MICOS10: variants seen among roughly 807,000 people sequenced by gnomAD.
MICOS10 encodes the protein mitochondrial contact site and cristae organizing system subunit 10.
Under a neutral mutation model 13.4 loss-of-function variants are expected in MICOS10, and 5 were observed. The observed-to-expected ratio is 0.37, with a 90% CI of 0.20 to 0.78. The LOEUF (loss-of-function observed/expected upper bound fraction) is 0.78. Ranked by LOEUF, MICOS10 falls within the 30% of genes least tolerant of loss-of-function variation. The pLI is 0.47. For missense variants in MICOS10, 101 were observed against 94.6 expected (o/e 1.07, Z -0.28); for synonymous variants, 35 against 33.6 (o/e 1.04, Z -0.15).
chr1:19,605,014 C>G (rs559295588), intron 1 of MICOS10, among the ~76,000 whole-genome samples: 1 of 152,300 alleles, frequency 6.6e-6, no homozygotes, highest in South Asian at 2.1e-4. Flanking sequence ...TATTTTACAT[C>G]ATTATCTCAT....
Position 19,623,597 on chromosome 1 carries a change from A to G in MICOS10, c.222+14A>G, listed in dbSNP as rs745669923. Reference sequence around the variant, plus strand: ...AAATATGTCAAAGTATGTACAGAATATATATTTCTCTTTCCTTCAGAAGAA... The same window carrying G: ...AAATATGTCAAAGTATGTACAGAATGTATATTTCTCTTTCCTTCAGAAGAA... On this transcript the variant is annotated intron_variant, in intron 3 of 3. Transcript: ENST00000322753. The G allele has an allele frequency of 3.3e-6, 5 of 1,533,664 alleles. No individual in the cohort carries two copies. In the Admixed American group the frequency reaches 6.8e-5, roughly 21 times the overall value.
At position 19,627,027 on chromosome 1, in the gene MICOS10, T is replaced by C. The variant is rs2094924288; in HGVS notation, c.*626T>C. ...GGCCCACTCCATTGAAGTCAAGTCC[T>C]GCAGCTTCATAGAGCTTGAGACAGT... On this transcript the variant is annotated 3_prime_UTR_variant, in exon 4 of 4. Coordinates refer to ENST00000322753, the MANE Select transcript of MICOS10 (RefSeq NM_001032363.4). The C allele has an allele frequency of 6.5e-6, 1 of 153,530 alleles. No individual in the cohort carries two copies. The highest frequency in any genetic ancestry group is 1.5e-5 in the Non-Finnish European group (1 of 68,920). The allele number at this position is 153,530 out of a possible 1,614,324, so 9.5% of individuals were successfully genotyped here.
At chr1:19,621,351 A>G (rs776000267) in intron 1 of MICOS10, among the ~76,000 whole-genome samples, 5 of 152,150 alleles carry the variant, frequency 3.3e-5, no homozygotes, top group Non-Finnish European at 7.3e-5. Flanking sequence ...TCTGAGCTGT[A>G]TGGGGAGCAC....
chr1:19,616,658 T>C (rs950873388), intron 1 of MICOS10, among the ~76,000 whole-genome samples: 1 of 152,194 alleles, frequency 6.6e-6, no homozygotes, highest in Non-Finnish European at 1.5e-5. Context: ...AAACACGTTG[T>C]TGTATGTAAC....
chr1:19,617,122 T>C (rs1486320763), intron 1 of MICOS10: 1 of 175,982 alleles, frequency 5.7e-6, no homozygotes, highest in African/African-American at 2.4e-5. Context: ...AACTAAGTGC[T>C]GTACACACTC....
At chr1:19,614,551 T>G (rs1412058386) in intron 1 of MICOS10, 3 of 152,090 alleles carry the variant, frequency 2.0e-5, no homozygotes, top group Non-Finnish European at 2.9e-5. Flanking sequence ...TCTCCTGACC[T>G]CGTGATCCGC....
intron 1 of MICOS10, among the ~76,000 whole-genome samples, chr1:19,612,510 G>A (rs1478379255): frequency 6.6e-6 from 1 of 151,718 alleles, no homozygotes; most frequent in Non-Finnish European, 1.5e-5. Flanking sequence ...ATCACCTGAG[G>A]TCAGGAATTC....
rs182265717 is a variant in MICOS10, at chr1:19,624,379, C to A, written c.222+796C>A. On this transcript the variant is annotated intron_variant, in intron 3 of 3. Transcript: ENST00000322753. The stretch of plus-strand genomic sequence containing the variant: ...TTGGCTCACTGCGACCTCTGCCTCC[C>A]GGGTTCAAGCGATTCTTCTGCCTCA... Among the ~76,000 whole-genome samples, 90 of 152,064 alleles carry A rather than the reference C, an allele frequency of 5.9e-4. 2 individuals carry two copies. The highest frequency in any genetic ancestry group is 2.0e-3 in the African/African-American group (84 of 41,460).
intron 1 of MICOS10, among the ~76,000 whole-genome samples, chr1:19,610,672 T>A (rs2094857294): frequency 6.6e-6 from 1 of 152,142 alleles, no homozygotes; most frequent in South Asian, 2.1e-4. Flanking sequence ...ATAGTTATTG[T>A]AACACTCTGA....
chr1:19,618,262 T>C (rs924734375), intron 1 of MICOS10, among the ~76,000 whole-genome samples: 1 of 151,180 alleles, frequency 6.6e-6, no homozygotes, highest in Admixed American at 6.6e-5. Context: ...TGCACCATCA[T>C]GCCTGGCTGA....
intron 1 of MICOS10, among the ~76,000 whole-genome samples, chr1:19,617,762 A>G (rs2094889521): frequency 6.6e-6 from 1 of 152,202 alleles, no homozygotes; most frequent in Non-Finnish European, 1.5e-5. Flanking sequence ...CGGCCATTAT[A>G]AATAGGTCAG....
chr1:19,601,148 C>G (rs2094813126), intron 1 of MICOS10: 2 of 486,146 alleles, frequency 4.1e-6, no homozygotes, highest in Admixed American at 6.6e-5. Context: ...GGCAGTGGTC[C>G]TTTAAAAAAG....
intron 1 of MICOS10, among the ~76,000 whole-genome samples, chr1:19,620,163 A>G (rs11805742): frequency 0.022 from 3,307 of 152,332 alleles, 120 homozygotes; most frequent in African/African-American, 0.075. Context: ...AGGCAGAGAA[A>G]ACTCTTCTCT....
intron 1 of MICOS10, among the ~76,000 whole-genome samples, chr1:19,610,716 C>T (rs1292390758): frequency 6.6e-6 from 1 of 152,042 alleles, no homozygotes; most frequent in African/African-American, 2.4e-5. Flanking sequence ...ACTTACCTTA[C>T]TTTGATAAAT....
rs571081697 is a variant in MICOS10, at chr1:19,608,512, C to T, written c.64+11403C>T. On this transcript the variant is annotated intron_variant, in intron 1 of 3. Transcript: ENST00000322753. ...AGATCGGGAGGATTGAGGACGTCAC[C>T]CCCATCCCCTCTGACAGCACTCTCA... 99 of 1,101,572 alleles carry T rather than the reference C, an allele frequency of 9.0e-5. 1 individual carries two copies. In the East Asian group the frequency reaches 1.0e-3, roughly 12 times the overall value. 68.2% of individuals were successfully genotyped at this position (1,101,572 alleles called of 1,614,324 possible). A position where few individuals can be genotyped will look rare whatever the true frequency, so the allele number is the denominator to read the frequency against.
chr1:19,617,757 A>G (rs939726563), intron 1 of MICOS10, among the ~76,000 whole-genome samples: 3 of 152,222 alleles, frequency 2.0e-5, no homozygotes, highest in Non-Finnish European at 4.4e-5. Context: ...AAGCACGGCC[A>G]TTATAAATAG....
rs28627008 is a variant in MICOS10 at position 19,622,921 on chromosome 1, T to C, written c.113-553T>C. Reference sequence around the variant, plus strand: ...ATCTAGTGTTTTCATATTTTACTACTTTTTTTTTTTTTTTTTTTTGAAACG... The same window carrying C: ...ATCTAGTGTTTTCATATTTTACTACCTTTTTTTTTTTTTTTTTTTGAAACG... On this transcript the variant is annotated intron_variant, in intron 2 of 3. Coordinates refer to ENST00000322753, the MANE Select transcript of MICOS10 (RefSeq NM_001032363.4). Among the ~76,000 whole-genome samples, 20 of 66,914 alleles carry C rather than the reference T, an allele frequency of 3.0e-4. No homozygotes were observed. In the African/African-American group the frequency reaches 3.6e-3, roughly 12 times the overall value. The allele number at this position is 66,914 out of a possible 152,430, so 43.9% of individuals were successfully genotyped here.
In MICOS10 at chr1:19,622,128, C is replaced by T; in HGVS notation, c.93C>T (p.Phe31=). The stretch of plus-strand genomic sequence containing the variant: ...CTGGTTTTGGATTAGGAATTGTTTT[C>T]TCACTTACCTTCTTTAAAAGTAAGT... ...IGTGFGLGIV[F]SLTFFKRRMW... is the part of the protein sequence containing the mutation. Residue 31 remains phenylalanine, a synonymous_variant, in exon 2 of 4, where the codon TTC becomes TTT. Coordinates refer to ENST00000322753, the MANE Select transcript of MICOS10 (RefSeq NM_001032363.4). 2 of 1,612,236 alleles carry T rather than the reference C, an allele frequency of 1.2e-6. No individual in the cohort carries two copies. The highest frequency in any genetic ancestry group is 1.7e-6 in the Non-Finnish European group (2 of 1,178,884).
chr1:19,600,335 A>G (rs938479771), intron 1 of MICOS10, among the ~76,000 whole-genome samples: 1 of 117,190 alleles, frequency 8.5e-6, no homozygotes, highest in Non-Finnish European at 1.8e-5. Flanking sequence ...GAGAAGAAGT[A>G]AGGGAGGCTT....
Sources: allele counts gnomAD v4.1 joint callset (sites outside exome capture counted in the v4.1 genomes callset), GRCh38; gene constraint gnomAD v4.1.1; transcripts MANE v1.5; gene names NCBI Gene and HGNC (gene_info 2026-07-23, HGNC 2026-07-21).